Variants in GRIK1 observed in about 807,000 individuals in gnomAD.
The protein encoded by GRIK1 is glutamate ionotropic receptor kainate type subunit 1.
Under a neutral mutation model 105.7 loss-of-function variants are expected in GRIK1, and 69 were observed. That is an observed-to-expected ratio of 0.65 (90% CI 0.54 to 0.80). The LOEUF (loss-of-function observed/expected upper bound fraction) is 0.80, where lower values mean the gene tolerates loss of function less well. Ranked by LOEUF, GRIK1 falls within the 30% of genes least tolerant of loss-of-function variation. The pLI is 0.00. For missense variants in GRIK1, 1,109 were observed against 1,167.3 expected (o/e 0.95, Z 0.73); for synonymous variants, 438 against 431.3 (o/e 1.02, Z -0.19).
intron 7 of GRIK1, among the ~76,000 whole-genome samples, chr21:29,620,770 C>CATATATATATATATATATATATATAT (rs200139967): frequency 1.7e-5 from 2 of 117,442 alleles, no homozygotes; most frequent in African/African-American, 7.9e-5. Context: ...GTATGAAAGT[C>CATATATATATATATATATATATATAT]ATATATATAT....
chr21:29,763,165 C>G (rs150381908), intron 1 of GRIK1, among the ~76,000 whole-genome samples: 107 of 152,196 alleles, frequency 7.0e-4, no homozygotes, highest in East Asian at 1.7e-3. Context: ...GGGTGGTTCC[C>G]CCATGCTGTT....
At chr21:29,753,850 G>C (rs1212909590) in intron 1 of GRIK1, among the ~76,000 whole-genome samples, 1 of 152,026 alleles carries the variant, frequency 6.6e-6, no homozygotes, top group Non-Finnish European at 1.5e-5. Context: ...TGGATGTTCT[G>C]TGCCCTTGTA....
chr21:29,689,248 G>C (rs2063539647), intron 3 of GRIK1, among the ~76,000 whole-genome samples: 2 of 152,128 alleles, frequency 1.3e-5, no homozygotes, highest in Admixed American at 1.3e-4. Flanking sequence ...ACTCATCAAT[G>C]GGGATTCATA....
chr21:29,556,657 T>A (rs577528491), intron 15 of GRIK1, among the ~76,000 whole-genome samples: 39 of 152,262 alleles, frequency 2.6e-4, no homozygotes, highest in African/African-American at 9.1e-4. Flanking sequence ...ACTAAGATGA[T>A]GTCTTCCCAA....
intron 1 of GRIK1, among the ~76,000 whole-genome samples, chr21:29,903,453 C>G (rs1419453187): frequency 6.6e-6 from 1 of 152,006 alleles, no homozygotes; most frequent in Non-Finnish European, 1.5e-5. Flanking sequence ...AGCAAACAAC[C>G]TCATCAAAAA....
In GRIK1 at chr21:29,895,722, TA is replaced by T. The variant is rs765007843; in HGVS notation, c.118+43660del. On this transcript the variant is annotated intron_variant, in intron 1 of 17. Coordinates refer to ENST00000327783, the MANE Select transcript of GRIK1 (RefSeq NM_001330994.2). ...TCTTCCTTTAATACATGCAGGACAGTATCATCATTAGTATGGATTTTGGAAT... is the reference window on the plus strand; with the variant it reads ...TCTTCCTTTAATACATGCAGGACAGTTCATCATTAGTATGGATTTTGGAAT... Among the ~76,000 whole-genome samples the T allele has an allele frequency of 8.5e-5, 13 of 152,216 alleles. No homozygotes were observed. In the East Asian group the frequency reaches 9.6e-4, roughly 11 times the overall value.
chr21:29,627,897 C>G (rs2062169498), intron 7 of GRIK1, among the ~76,000 whole-genome samples: 1 of 152,268 alleles, frequency 6.6e-6, no homozygotes, highest in African/African-American at 2.4e-5. Flanking sequence ...GAAAAGAGAA[C>G]AGAGAAGGCA....
chr21:29,798,750 T>G (rs1407669538), intron 1 of GRIK1, among the ~76,000 whole-genome samples: 1 of 152,228 alleles, frequency 6.6e-6, no homozygotes, highest in East Asian at 1.9e-4. Context: ...CTCTTTGGGT[T>G]GCTCAAAGCA....
At position 29,693,904 on chromosome 21, in the gene GRIK1, G is replaced by A. The variant is rs2063635208; in HGVS notation, c.278C>T (p.Ser93Leu). 6.2e-7 allele frequency: 1 copy of A among 1,611,358 alleles called. No individual in the cohort carries two copies. The highest frequency in any genetic ancestry group is 8.5e-7 in the Non-Finnish European group (1 of 1,177,876). The change falls in exon 2 of 18, where the codon TCG (serine) becomes TTG (leucine). Residue 93 changes from serine to leucine, a missense_variant. Ser to Leu is a moderately radical substitution (Grantham distance 145). Coordinates refer to ENST00000327783, the MANE Select transcript of GRIK1 (RefSeq NM_001330994.2). ...RINLFDSFEA[S>L]RRACDQLALG... Reference sequence around the variant, plus strand: ...AGTGGGAAAATAGTTACCTCTCCGCGAGGCTTCAAAACTATCAAAAAGGTT... The same window carrying A: ...AGTGGGAAAATAGTTACCTCTCCGCAAGGCTTCAAAACTATCAAAAAGGTT...
chr21:29,739,007 CT>C (rs1214552834), intron 1 of GRIK1, among the ~76,000 whole-genome samples: 1 of 152,166 alleles, frequency 6.6e-6, no homozygotes, highest in African/African-American at 2.4e-5. Flanking sequence ...TATTTATTGG[CT>C]GTCTACAATG....
chr21:29,853,667 A>G lies in GRIK1; in HGVS notation c.118+85716T>C, dbSNP rs188496141. ...CTCATGGGAATGTCTGATTTCCTCC[A>G]TTTATTAGCATATTGATAGCAAACT... On this transcript the variant is annotated intron_variant, in intron 1 of 17. Coordinates refer to ENST00000327783, the MANE Select transcript of GRIK1 (RefSeq NM_001330994.2). Among the ~76,000 whole-genome samples, 632 of 152,316 alleles carry G rather than the reference A, an allele frequency of 4.1e-3. 8 individuals carry two copies. Among genetic ancestry groups the G allele is most frequent in the African/African-American group, 0.015 (603 of 41,574 alleles).
At chr21:29,895,017 C>G (rs920703130) in intron 1 of GRIK1, among the ~76,000 whole-genome samples, 1 of 152,104 alleles carries the variant, frequency 6.6e-6, no homozygotes, top group Non-Finnish European at 1.5e-5. Context: ...AATTAAGATG[C>G]TTTTTCCTCC....
intron 14 of GRIK1, among the ~76,000 whole-genome samples, chr21:29,573,248 A>G (rs1012421082): frequency 6.6e-6 from 1 of 152,130 alleles, no homozygotes; most frequent in African/African-American, 2.4e-5. Context: ...TTGATGCCTC[A>G]TTTTCAGGAC....
chr21:29,934,627 G>A (rs943788985), intron 1 of GRIK1, among the ~76,000 whole-genome samples: 3 of 152,064 alleles, frequency 2.0e-5, no homozygotes, highest in Admixed American at 6.6e-5. Context: ...TGTGTACTTG[G>A]CATACATAAG....
chr21:29,605,525 A>T (rs1262808764), intron 7 of GRIK1, among the ~76,000 whole-genome samples: 2 of 152,162 alleles, frequency 1.3e-5, no homozygotes, highest in Non-Finnish European at 2.9e-5. Flanking sequence ...TGCAATGAAC[A>T]TAAGTGTGCA....
chr21:29,873,258 A>G (rs981666181), intron 1 of GRIK1, among the ~76,000 whole-genome samples: 9 of 152,200 alleles, frequency 5.9e-5, no homozygotes. Flanking sequence ...ATTAGTTTAA[A>G]TAGCATTCCA....
chr21:29,867,902 GAAAGAA>G (rs1395008501), intron 1 of GRIK1, among the ~76,000 whole-genome samples: 1 of 105,448 alleles, frequency 9.5e-6, no homozygotes, highest in African/African-American at 4.4e-5. Flanking sequence ...GAGAGAGAGA[GAAAGAA>G]AGAGAGAGAA....
rs541303459 is a variant in GRIK1 at position 29,668,324 on chromosome 21, A to T, written c.726+4659T>A. On this transcript the variant is annotated intron_variant, in intron 4 of 17. Coordinates refer to ENST00000327783, the MANE Select transcript of GRIK1 (RefSeq NM_001330994.2). ...TAAGTAGAGTGAAGGGATATAGAGA[A>T]TGAGAAGGGAGCTTCCTCTCTTTTA... Among the ~76,000 whole-genome samples, 9 of 152,328 alleles carry T rather than the reference A, an allele frequency of 5.9e-5. No individual in the cohort carries two copies. The South Asian group carries it at 6.2e-4, about 11-fold the overall frequency.
Position 29,928,253 on chromosome 21 carries a change from G to A in GRIK1, c.118+11130C>T, listed in dbSNP as rs199826300. On this transcript the variant is annotated intron_variant, in intron 1 of 17. Coordinates refer to ENST00000327783, the MANE Select transcript of GRIK1 (RefSeq NM_001330994.2). The stretch of plus-strand genomic sequence containing the variant: ...GAAATTTAAAAAGTTTATTGTTTTT[G>A]TTGCTTCTTTCGTTGCTGCTTTAAT... Among the ~76,000 whole-genome samples, 24 of 152,286 alleles carry A rather than the reference G, an allele frequency of 1.6e-4. No individual in the cohort carries two copies. The East Asian group carries it at 4.6e-3, about 29-fold the overall frequency.
Sources: allele counts gnomAD v4.1 joint callset (sites outside exome capture counted in the v4.1 genomes callset), GRCh38; gene constraint gnomAD v4.1.1; transcripts MANE v1.5; gene names NCBI Gene and HGNC (gene_info 2026-07-23, HGNC 2026-07-21).